Variants in CCSER1 observed in about 807,000 individuals in gnomAD.
CCSER1 encodes coiled-coil serine rich protein 1.
CCSER1 carries 41 observed loss-of-function variants against 82.0 expected under a neutral mutation model. The ratio of observed to expected loss-of-function variants is 0.50; its 90% CI spans 0.39 to 0.65. The LOEUF is 0.65. Among genes scored for constraint, CCSER1 ranks in the 30% least tolerant of loss-of-function variants. The pLI is 0.00. For synonymous variants in CCSER1, 414 were observed against 383.9 expected, an observed-to-expected ratio of 1.08 and a Z score of -0.92; for missense variants, 1,119 against 1,064.2, an observed-to-expected ratio of 1.05 and a Z score of -0.72.
intron 7 of CCSER1, among the ~76,000 whole-genome samples, chr4:90,805,088 A>C (rs1004201757): frequency 7.2e-6 from 1 of 138,052 alleles, no homozygotes; most frequent in African/African-American, 2.8e-5. Flanking sequence ...ACTATAATAG[A>C]GTTTGTCTCT....
intron 9 of CCSER1, among the ~76,000 whole-genome samples, chr4:91,018,645 G>A (rs13129633): frequency 0.51 from 76,858 of 151,446 alleles, 19,949 homozygotes; most frequent in East Asian, 0.67. Context: ...TTCTTGTGAC[G>A]CTTCTAGTAT....
rs549782279 is a variant in CCSER1 at position 90,428,605 on chromosome 4, A to C, written c.1603+28476A>C. 4.6e-5 allele frequency among the ~76,000 whole-genome samples: 7 copies of C among 152,004 alleles called. No homozygotes were observed. The South Asian group carries it at 1.4e-3, about 31-fold the overall frequency. On this transcript the variant is annotated intron_variant, in intron 4 of 10. Transcript: ENST00000509176. ...TTTAATATTCATTAAGTAGAAGTGGATCATCATAAAAGTCTTTGTTCTTTC... is the reference window on the plus strand; with the variant it reads ...TTTAATATTCATTAAGTAGAAGTGGCTCATCATAAAAGTCTTTGTTCTTTC...
intron 8 of CCSER1, among the ~76,000 whole-genome samples, chr4:90,866,798 G>T (rs1176703230): frequency 1.3e-5 from 2 of 151,922 alleles, no homozygotes; most frequent in Non-Finnish European, 2.9e-5. Context: ...AGCAGGGTGG[G>T]GATGAAACTG....
intron 1 of CCSER1, among the ~76,000 whole-genome samples, chr4:90,129,614 AAG>A (rs1290714884): frequency 6.6e-6 from 1 of 152,240 alleles, no homozygotes; most frequent in African/African-American, 2.4e-5. Flanking sequence ...ACAGAGAAAA[AAG>A]AGAAGTTGGT....
chr4:90,333,193 G>C (rs1363847931), intron 3 of CCSER1, among the ~76,000 whole-genome samples: 1 of 152,108 alleles, frequency 6.6e-6, no homozygotes, highest in Non-Finnish European at 1.5e-5. Context: ...TTGATCACTT[G>C]GTAAAGAAAG....
chr4:91,162,402 G>T (rs1345975459), intron 10 of CCSER1, among the ~76,000 whole-genome samples: 2 of 152,064 alleles, frequency 1.3e-5, no homozygotes, highest in Non-Finnish European at 2.9e-5. Flanking sequence ...TTTTTTGGTT[G>T]TGGCTCTGTC....
At chr4:90,891,985 C>A (rs62312267) in intron 8 of CCSER1, among the ~76,000 whole-genome samples, 7,874 of 152,066 alleles carry the variant, frequency 0.052, 263 homozygotes, top group Admixed American at 0.096. Flanking sequence ...GCTGTAGTGG[C>A]AAACTGAAAA....
chr4:90,559,915 T>C (rs1778562011), intron 5 of CCSER1, among the ~76,000 whole-genome samples: 1 of 150,068 alleles, frequency 6.7e-6, no homozygotes, highest in African/African-American at 2.5e-5. Context: ...GTCCAGGCAG[T>C]TCCCCCAGCC....
intron 10 of CCSER1, among the ~76,000 whole-genome samples, chr4:91,363,708 G>C (rs1249012383): frequency 1.3e-5 from 2 of 151,774 alleles, no homozygotes; most frequent in East Asian, 3.8e-4. Context: ...TTTGATTAAA[G>C]AGTCAGTGAT....
intron 10 of CCSER1, among the ~76,000 whole-genome samples, chr4:91,266,693 TAAAATG>T (rs1741618740): frequency 6.6e-6 from 1 of 152,180 alleles, no homozygotes; most frequent in South Asian, 2.1e-4. Flanking sequence ...TATTTTAAGT[TAAAATG>T]AAATGCTTAA....
At chr4:90,754,318 G>A (rs967322432) in intron 7 of CCSER1, among the ~76,000 whole-genome samples, 28 of 152,116 alleles carry the variant, frequency 1.8e-4, no homozygotes, top group African/African-American at 5.8e-4. Context: ...TAACATATAC[G>A]TTTATGTATA....
chr4:91,374,026 G>A (rs1750222082), intron 10 of CCSER1, among the ~76,000 whole-genome samples: 1 of 152,184 alleles, frequency 6.6e-6, no homozygotes, highest in African/African-American at 2.4e-5. Context: ...GCTGAGAGAG[G>A]TGAAGAAGTC....
At position 90,927,477 on chromosome 4, in the gene CCSER1, T is replaced by C. The variant is rs1367471663; in HGVS notation, c.2172+4030T>C. Among the ~76,000 whole-genome samples the C allele has an allele frequency of 2.6e-5, 4 of 152,030 alleles. No homozygotes were observed. In the East Asian group the frequency reaches 7.7e-4, roughly 29 times the overall value. On this transcript the variant is annotated intron_variant, in intron 9 of 10. Coordinates refer to ENST00000509176, the MANE Select transcript of CCSER1 (RefSeq NM_001145065.2). ...GGGGTTTCAATTTGGCTTCTTAAAA[T>C]GGACTGAACTGTGGCATCACGTATT...
chr4:91,547,008 G>T (rs1421215195), intron 10 of CCSER1, among the ~76,000 whole-genome samples: 5 of 145,374 alleles, frequency 3.4e-5, no homozygotes, highest in African/African-American at 1.3e-4. Flanking sequence ...CTATTTAGGA[G>T]TGTGTTGTTT....
In CCSER1 at chr4:91,259,447, C is replaced by CATATAT. The variant is rs148329738; in HGVS notation, c.2217+173463_2217+173468dup. Among the ~76,000 whole-genome samples the CATATAT allele has an allele frequency of 1.7e-3, 257 of 150,210 alleles. 2 individuals carry two copies. The highest frequency in any genetic ancestry group is 5.9e-3 in the African/African-American group (244 of 41,152). On this transcript the variant is annotated intron_variant, in intron 10 of 10. Coordinates refer to ENST00000509176, the MANE Select transcript of CCSER1 (RefSeq NM_001145065.2). ...CAAACATGAACAAGACCTTGGTAGT[C>CATATAT]ATATATATATATATACACACTTCTG...
chr4:91,062,489 C>G (rs377767124), intron 9 of CCSER1, among the ~76,000 whole-genome samples: 3 of 152,096 alleles, frequency 2.0e-5, no homozygotes, highest in African/African-American at 7.2e-5. Context: ...AATATTGCAA[C>G]TTTTGGTCCT....
intron 7 of CCSER1, among the ~76,000 whole-genome samples, chr4:90,766,356 C>T (rs1271105983): frequency 1.3e-5 from 2 of 152,096 alleles, no homozygotes; most frequent in South Asian, 2.1e-4. Context: ...TTGAGGATCA[C>T]GCCTACTAAG....
intron 1 of CCSER1, among the ~76,000 whole-genome samples, chr4:90,262,918 A>G (rs557771104): frequency 6.6e-6 from 1 of 152,188 alleles, no homozygotes; most frequent in African/African-American, 2.4e-5. Context: ...GTGGGGACAT[A>G]ATCACCCTGA....
intron 7 of CCSER1, among the ~76,000 whole-genome samples, chr4:90,727,601 C>T (rs935502284): frequency 6.6e-6 from 1 of 152,182 alleles, no homozygotes; most frequent in African/African-American, 2.4e-5. Flanking sequence ...AAGATGGCTT[C>T]AAGCCACTAC....
Sources: gnomAD v4.1 joint callset for allele counts (sites outside exome capture counted in the v4.1 genomes callset) on GRCh38, gnomAD v4.1.1 for gene constraint, MANE v1.5 for transcripts, NCBI Gene and HGNC (gene_info 2026-07-23, HGNC 2026-07-21) for gene names.